BAZ2B: variants seen among roughly 807,000 people sequenced by gnomAD.
The protein encoded by BAZ2B is bromodomain adjacent to zinc finger domain 2B.
In BAZ2B, 91 loss-of-function variants were observed where a neutral mutation model predicts 246.0. The ratio of observed to expected loss-of-function variants is 0.37; its 90% CI spans 0.31 to 0.44. The LOEUF is 0.44. BAZ2B is among the 20% of genes least tolerant of loss of function. The probability of loss-of-function intolerance (pLI) is 1.00; values close to 1 mark genes in which losing one functional copy is unlikely to be tolerated. For missense variants in BAZ2B, 2,332 were observed against 2,533.7 expected (o/e 0.92, Z 1.71); for synonymous variants, 855 against 860.0 (o/e 0.99, Z 0.10).
rs889254836 is a variant in BAZ2B at position 159,349,314 on chromosome 2, G to A, written c.4864-34C>T. 9.1e-6 allele frequency: 14 copies of A among 1,540,554 alleles called. No homozygotes were observed. The African/African-American group carries it at 1.7e-4, about 18-fold the overall frequency. On this transcript the variant is annotated intron_variant, in intron 28 of 36. Transcript: ENST00000392783. ...AGAAAACATTTATTAATGAAAAGTAGATTACTCTAAGAAGTTAGGAAAAAT... is the reference window on the plus strand; with the variant it reads ...AGAAAACATTTATTAATGAAAAGTAAATTACTCTAAGAAGTTAGGAAAAAT...
the BAZ2B span, among the ~76,000 whole-genome samples, chr2:159,698,581 T>C: frequency 8.0e-4 from 121 of 150,854 alleles, no homozygotes; most frequent in African/African-American, 2.8e-3. Flanking sequence ...AAGTACTATA[T>C]ATTATATAGT....
At chr2:159,696,848 C>T in the BAZ2B span, among the ~76,000 whole-genome samples, 1 of 152,214 alleles carries the variant, frequency 6.6e-6, no homozygotes, top group South Asian at 2.1e-4. Context: ...TGCAGTGGCG[C>T]CATCTCGGCT....
chr2:159,435,453 T>C (rs34882871), intron 8 of BAZ2B: 50,274 of 151,980 alleles, frequency 0.33, 9,892 homozygotes, highest in Non-Finnish European at 0.47. Context: ...CCTCCTGGGC[T>C]CAAACGATTC....
At chr2:159,515,641 C>T (rs1434370584) in intron 2 of BAZ2B, among the ~76,000 whole-genome samples, 1 of 152,092 alleles carries the variant, frequency 6.6e-6, no homozygotes, top group African/African-American at 2.4e-5. Context: ...AGCACTCACA[C>T]AGACAGTAGA....
intron 1 of BAZ2B, among the ~76,000 whole-genome samples, chr2:159,581,485 T>A (rs1686767611): frequency 6.6e-6 from 1 of 152,154 alleles, no homozygotes; most frequent in African/African-American, 2.4e-5. Flanking sequence ...GACTGTAAAC[T>A]AGTTCAACCA....
intron 2 of BAZ2B, among the ~76,000 whole-genome samples, chr2:159,490,863 C>T (rs987671403): frequency 2.6e-5 from 4 of 152,132 alleles, no homozygotes; most frequent in Non-Finnish European, 5.9e-5. Context: ...GCATGCATCC[C>T]TGGTCAGCTT....
At chr2:159,627,483 A>T in the BAZ2B span, among the ~76,000 whole-genome samples, 2 of 152,058 alleles carry the variant, frequency 1.3e-5, no homozygotes, top group Non-Finnish European at 2.9e-5. Context: ...ATCAAGTCAG[A>T]TTCAACCCTG....
At chr2:159,543,443 T>TCAG (rs1038229805) in intron 2 of BAZ2B, among the ~76,000 whole-genome samples, 15 of 152,228 alleles carry the variant, frequency 9.9e-5, no homozygotes, top group Non-Finnish European at 2.2e-4. Context: ...AAGCTTTGCC[T>TCAG]CTGAGATGCT....
At chr2:159,522,517 C>T (rs1363527983) in intron 2 of BAZ2B, among the ~76,000 whole-genome samples, 3 of 152,192 alleles carry the variant, frequency 2.0e-5, no homozygotes, top group Non-Finnish European at 4.4e-5. Flanking sequence ...ATATTTTATA[C>T]TACGTTAATG....
chr2:159,395,641 G>T, intron 20 of BAZ2B, 128 bp downstream of exon 20: 1 of 719,478 alleles, frequency 1.4e-6, no homozygotes, highest in Non-Finnish European at 2.2e-6. Context: ...CTAAACTTTT[G>T]GTTTGCATAT....
intron 1 of BAZ2B, among the ~76,000 whole-genome samples, chr2:159,563,917 A>G (rs572532698): frequency 6.6e-5 from 10 of 152,340 alleles, no homozygotes; most frequent in African/African-American, 2.4e-4. Context: ...CATGAATCGA[A>G]TAATTCTTTT....
chr2:159,325,741 T>C lies in BAZ2B; in HGVS notation c.6121A>G (p.Asn2041Asp). ...KDLKKRKMEENTSINLSKQES... is the reference protein window; with the variant it reads ...KDLKKRKMEEDTSINLSKQES... ...TGTTTTGACAAGTTAATAGAAGTGT[T>C]TTCCTCCATTTTTCTTTTCTTGAGG... Residue 2041 changes from asparagine (N) to aspartate (D), a missense_variant, in exon 35 of 37, where the codon AAC becomes GAC. Transcript: ENST00000392783. The C allele has an allele frequency of 6.3e-7, 1 of 1,598,952 alleles. No homozygotes were observed. The highest frequency in any genetic ancestry group is 8.5e-7 in the Non-Finnish European group (1 of 1,176,662).
At chr2:159,527,067 G>A (rs1279054569) in intron 2 of BAZ2B, among the ~76,000 whole-genome samples, 1 of 150,950 alleles carries the variant, frequency 6.6e-6, no homozygotes, top group African/African-American at 2.4e-5. Flanking sequence ...AATTCATATT[G>A]TCGCTATTTT....
intron 1 of BAZ2B, among the ~76,000 whole-genome samples, chr2:159,588,672 C>G (rs976169178): frequency 6.6e-6 from 1 of 152,140 alleles, no homozygotes; most frequent in Non-Finnish European, 1.5e-5. Context: ...GTCATTATGA[C>G]AAACCAAAAC....
At chr2:159,627,852 T>A in the BAZ2B span, among the ~76,000 whole-genome samples, 6 of 152,158 alleles carry the variant, frequency 3.9e-5, no homozygotes, top group African/African-American at 1.4e-4. Context: ...TAAAGGGTAT[T>A]CAAATAGGAA....
chr2:159,548,713 T>G (rs1213404926), intron 2 of BAZ2B, among the ~76,000 whole-genome samples: 1 of 152,162 alleles, frequency 6.6e-6, no homozygotes, highest in Non-Finnish European at 1.5e-5. Flanking sequence ...GTGGAAGGAT[T>G]GCTTGAGGCC....
At chr2:159,534,314 A>C (rs2085693485) in intron 2 of BAZ2B, among the ~76,000 whole-genome samples, 1 of 152,226 alleles carries the variant, frequency 6.6e-6, no homozygotes, top group Non-Finnish European at 1.5e-5. Flanking sequence ...CTAGATGGTA[A>C]AGACTACTAC....
At chr2:159,567,573 A>G (rs936051930) in intron 1 of BAZ2B, among the ~76,000 whole-genome samples, 2 of 152,210 alleles carry the variant, frequency 1.3e-5, no homozygotes, top group African/African-American at 4.8e-5. Context: ...TAGCTAAAAT[A>G]AGAGGGTTTG....
intron 19 of BAZ2B, chr2:159,397,139 TCA>T: frequency 6.8e-7 from 1 of 1,477,866 alleles, no homozygotes; most frequent in Non-Finnish European, 9.1e-7. Flanking sequence ...GAAACAGAAA[TCA>T]CAGAGTCATA....
Sources: gnomAD v4.1 joint callset for allele counts (sites outside exome capture counted in the v4.1 genomes callset) on GRCh38, gnomAD v4.1.1 for gene constraint, MANE v1.5 for transcripts, NCBI Gene and HGNC (gene_info 2026-07-23, HGNC 2026-07-21) for gene names.